CTBP2: variants seen among roughly 807,000 people sequenced by gnomAD.
The protein encoded by CTBP2 is C-terminal-binding protein 2.
In CTBP2, 30 loss-of-function variants were observed where a neutral mutation model predicts 80.3. The ratio of observed to expected loss-of-function variants is 0.37; its 90% CI spans 0.28 to 0.51. The LOEUF (loss-of-function observed/expected upper bound fraction) is 0.51. Ranked by LOEUF, CTBP2 falls within the 20% of genes least tolerant of loss-of-function variation. The pLI, the probability that CTBP2 is intolerant of heterozygous loss-of-function variation, is 0.93. For synonymous variants in CTBP2, 594 were observed against 587.4 expected (o/e 1.01, Z -0.16); for missense variants, 1,212 against 1,375.3 (o/e 0.88, Z 1.88).
Position 125,083,516 on chromosome 10 carries a change from G to A in CTBP2, c.-102+27474C>T, listed in dbSNP as rs761457980. Among the ~76,000 whole-genome samples the A allele has an allele frequency of 1.1e-3, 175 of 152,304 alleles. 1 individual carries two copies. The highest frequency in any genetic ancestry group is 3.4e-3 in the Middle Eastern group (1 of 294). On this transcript the variant is annotated intron_variant, in intron 2 of 10. Transcript: ENST00000337195. Reference sequence around the variant, plus strand: ...GTCGCCTGTCTACAAAAAAGGAAAAGATACCACATTACCGTGACCATCTAG... The same window carrying A: ...GTCGCCTGTCTACAAAAAAGGAAAAAATACCACATTACCGTGACCATCTAG...
chr10:125,086,677 C>T (rs1027786007), intron 2 of CTBP2, among the ~76,000 whole-genome samples: 3 of 150,724 alleles, frequency 2.0e-5, no homozygotes, highest in Non-Finnish European at 2.9e-5. Flanking sequence ...GAGAGAGTAC[C>T]GTCTCTGAAC....
At chr10:125,032,297 G>A (rs1398433430), upstream of CTBP2, among the ~76,000 whole-genome samples, 3 of 152,184 alleles carry the variant, frequency 2.0e-5, no homozygotes, top group Admixed American at 6.5e-5. Context: ...CTGCTCTTTA[G>A]CAGCTTTTCC....
intron 2 of CTBP2, among the ~76,000 whole-genome samples, chr10:125,072,202 C>T (rs948896527): frequency 6.6e-6 from 1 of 152,156 alleles, no homozygotes; most frequent in Admixed American, 6.5e-5. Flanking sequence ...GTTCCAGCTA[C>T]TCGGGAGGCT....
intron 1 of CTBP2, among the ~76,000 whole-genome samples, chr10:125,139,663 C>A (rs971909334): frequency 6.6e-6 from 1 of 152,168 alleles, no homozygotes; most frequent in Middle Eastern, 3.2e-3. Context: ...GGGCTCTCAA[C>A]TCACTTCCCT....
intron 2 of CTBP2, among the ~76,000 whole-genome samples, chr10:125,044,508 T>C (rs1470303927): frequency 6.6e-6 from 1 of 152,248 alleles, no homozygotes; most frequent in South Asian, 2.1e-4. Flanking sequence ...GAAGCCAAAC[T>C]TGTGCAACAG....
intron 3 of CTBP2, among the ~76,000 whole-genome samples, chr10:125,033,742 G>A (rs534096953): frequency 2.0e-5 from 3 of 152,128 alleles, no homozygotes; most frequent in East Asian, 3.9e-4. Context: ...GACTTGGCCT[G>A]AAACTAGAGA....
intron 1 of CTBP2, among the ~76,000 whole-genome samples, chr10:125,111,490 C>T (rs1477476339): frequency 6.6e-6 from 1 of 152,238 alleles, no homozygotes; most frequent in Admixed American, 6.5e-5. Flanking sequence ...AAGTGCAAAT[C>T]ATGAGCCCAC....
chr10:125,025,544 T>C (rs1957448359), intron 1 of CTBP2, among the ~76,000 whole-genome samples: 1 of 152,256 alleles, frequency 6.6e-6, no homozygotes, highest in Non-Finnish European at 1.5e-5. Flanking sequence ...AACCCACAAG[T>C]ATGCAAACAC....
intron 2 of CTBP2, among the ~76,000 whole-genome samples, chr10:125,072,833 T>G (rs1163339391): frequency 6.6e-6 from 1 of 152,036 alleles, no homozygotes; most frequent in Non-Finnish European, 1.5e-5. Context: ...TCAAATCAAG[T>G]AAAAGCTAGT....
upstream of CTBP2, among the ~76,000 whole-genome samples, chr10:125,031,545 C>T (rs535647536): frequency 1.3e-5 from 2 of 150,442 alleles, no homozygotes; most frequent in African/African-American, 2.4e-5. Context: ...CTACCCCCTG[C>T]CCCCGAACGT....
At chr10:125,056,249 C>T (rs776094323) in intron 2 of CTBP2, among the ~76,000 whole-genome samples, 2 of 152,102 alleles carry the variant, frequency 1.3e-5, no homozygotes, top group Non-Finnish European at 2.9e-5. Flanking sequence ...TTCTAGAATG[C>T]TCCATGTGCG....
At chr10:125,052,050 C>G (rs1025878557) in intron 2 of CTBP2, among the ~76,000 whole-genome samples, 4 of 152,200 alleles carry the variant, frequency 2.6e-5, no homozygotes, top group Non-Finnish European at 5.9e-5. Flanking sequence ...CCTGGCCTGT[C>G]TGTGGAACCT....
upstream of CTBP2, among the ~76,000 whole-genome samples, chr10:125,028,900 A>G (rs1274058410): frequency 6.6e-6 from 1 of 152,244 alleles, no homozygotes; most frequent in African/African-American, 2.4e-5. Context: ...CAATAATGCA[A>G]AGAACAGCAG....
intron 2 of CTBP2, among the ~76,000 whole-genome samples, chr10:125,056,456 C>T (rs1404585431): frequency 6.6e-6 from 1 of 152,198 alleles, no homozygotes. Context: ...AGGATACACA[C>T]ACTCCCCCTC....
rs774670802 is a variant in CTBP2, at chr10:125,027,726, G to A, written c.34C>T (p.Arg12Cys). 6.8e-6 allele frequency: 11 copies of A among 1,607,512 alleles called. 1 individual carries two copies. Among genetic ancestry groups the A allele is most frequent in the Admixed American group, 6.7e-5 (4 of 59,770 alleles). The change falls in exon 1 of 9, where the codon CGT (arginine) becomes TGT (cysteine). Residue 12 changes from arginine to cysteine, a missense_variant. By Grantham distance (180) the Arg-to-Cys change is radical (BLOSUM62 -3). Around this residue, in one of 3 missense-constraint regions of CTBP2, gnomAD observed 848 missense variants for 782.3 expected, o/e 1.08. Coordinates refer to ENST00000309035, the MANE Select transcript of CTBP2 (RefSeq NM_022802.3). Reference sequence around the variant, plus strand: ...CCAGCAGCATCCCAGCTCTGAGAACGACCAATATTTATATGCCTGCTGGGA... The same window carrying A: ...CCAGCAGCATCCCAGCTCTGAGAACAACCAATATTTATATGCCTGCTGGGA...
At chr10:125,038,080 G>A (rs1959065885) in intron 3 of CTBP2, among the ~76,000 whole-genome samples, 1 of 152,210 alleles carries the variant, frequency 6.6e-6, no homozygotes, top group South Asian at 2.1e-4. Context: ...GCAGCGCAGA[G>A]TTCTGTGAGG....
intron 2 of CTBP2, among the ~76,000 whole-genome samples, chr10:125,077,490 C>T (rs3012071): frequency 0.014 from 2,068 of 152,216 alleles, 54 homozygotes; most frequent in African/African-American, 0.046. Context: ...CCAAACTCCC[C>T]GGGCTCGCAG....
intron 1 of CTBP2, among the ~76,000 whole-genome samples, chr10:125,018,557 A>AACC (rs1956740135): frequency 3.1e-5 from 2 of 64,274 alleles, no homozygotes; most frequent in African/African-American, 6.6e-5. Flanking sequence ...ACCAACCAAC[A>AACC]AACAAACAAA....
chr10:125,087,325 A>C (rs1848141865), intron 2 of CTBP2, among the ~76,000 whole-genome samples: 1 of 151,948 alleles, frequency 6.6e-6, no homozygotes, highest in Admixed American at 6.6e-5. Context: ...GCCCACCTCC[A>C]GCTCCCAAAG....
Sources: gnomAD v4.1 joint callset for allele counts (sites outside exome capture counted in the v4.1 genomes callset) on GRCh38, gnomAD v4.1.1 for gene constraint, gnomAD v4.1.1 regional missense constraint, MANE v1.5 for transcripts, NCBI Gene and HGNC (gene_info 2026-07-23, HGNC 2026-07-21) for gene names.